MGAT4C: variants seen among roughly 807,000 people sequenced by gnomAD.
MGAT4C encodes alpha-1,3-mannosyl-glycoprotein 4-beta-N-acetylglucosaminyltransferase C.
In MGAT4C, 19 loss-of-function variants were observed where a neutral mutation model predicts 40.1. That is an observed-to-expected ratio of 0.47 (90% CI 0.33 to 0.70). MGAT4C has a LOEUF of 0.70. Ranked by LOEUF, MGAT4C falls within the 30% of genes least tolerant of loss-of-function variation. MGAT4C has a pLI of 0.02. For missense variants in MGAT4C, 491 were observed against 563.2 expected (o/e 0.87, Z 1.30); for synonymous variants, 181 against 187.1 (o/e 0.97, Z 0.27).
At chr12:86,286,877 T>C (rs1953365207) in intron 4 of MGAT4C, among the ~76,000 whole-genome samples, 1 of 152,148 alleles carries the variant, frequency 6.6e-6, no homozygotes, top group South Asian at 2.1e-4. Flanking sequence ...CTTAGGATGA[T>C]GGCCTCCAGC....
At chr12:86,648,028 A>T (rs889824876) in intron 2 of MGAT4C, among the ~76,000 whole-genome samples, 3 of 151,934 alleles carry the variant, frequency 2.0e-5, no homozygotes, top group African/African-American at 7.2e-5. Context: ...GGGTCTAGCA[A>T]TGTGATTGCC....
At chr12:86,792,304 T>A (rs1408989662) in intron 1 of MGAT4C, among the ~76,000 whole-genome samples, 1 of 152,142 alleles carries the variant, frequency 6.6e-6, no homozygotes, top group Non-Finnish European at 1.5e-5. Flanking sequence ...AATACTTGTT[T>A]AAAATGTTAA....
At chr12:86,813,093 C>A (rs1268359129) in intron 1 of MGAT4C, among the ~76,000 whole-genome samples, 1 of 152,002 alleles carries the variant, frequency 6.6e-6, no homozygotes, top group Non-Finnish European at 1.5e-5. Context: ...GGGTTCCAAA[C>A]CAGTTGTCAG....
At chr12:86,450,844 GT>G (rs1957415357) in intron 2 of MGAT4C, among the ~76,000 whole-genome samples, 1 of 151,790 alleles carries the variant, frequency 6.6e-6, no homozygotes, top group Non-Finnish European at 1.5e-5. Flanking sequence ...ACATATGTAT[GT>G]TTTTATCCAT....
At chr12:86,780,757 A>G (rs2136181960) in intron 1 of MGAT4C, among the ~76,000 whole-genome samples, 1 of 152,272 alleles carries the variant, frequency 6.6e-6, no homozygotes, top group East Asian at 1.9e-4. Flanking sequence ...AACATCACCC[A>G]AATAATGCAC....
At chr12:86,107,571 T>G (rs1876431019) in intron 1 of MGAT4C, among the ~76,000 whole-genome samples, 1 of 152,214 alleles carries the variant, frequency 6.6e-6, no homozygotes, top group African/African-American at 2.4e-5. Flanking sequence ...AAAAAGTTTT[T>G]TCTTAGGCTT....
At position 85,957,657 on chromosome 12, in the gene MGAT4C, C is replaced by CAAAAAA. The variant is rs5799763; in HGVS notation, c.*21626_*21631dup. 7.0e-4 allele frequency: 71 copies of CAAAAAA among 101,212 alleles called. No individual in the cohort carries two copies. The highest frequency in any genetic ancestry group is 9.4e-4 in the East Asian group (3 of 3,202). The allele number at this position is 101,212 out of a possible 1,614,324, so 6.3% of individuals were successfully genotyped here. ...TTTACTGTAGAGTTGAATAAGAAAG[C>CAAAAAA]AAAAAAAAAAAAAAAAGAAAAAAGA... On this transcript the variant is annotated 3_prime_UTR_variant, in exon 5 of 5. Transcript: ENST00000611864.
chr12:86,073,690 T>C (rs1367131108), intron 1 of MGAT4C, among the ~76,000 whole-genome samples: 1 of 152,168 alleles, frequency 6.6e-6, no homozygotes. Flanking sequence ...GTTCTTTGTT[T>C]TGGCCAATTT....
chr12:86,748,763 A>G (rs1274334529), intron 1 of MGAT4C, among the ~76,000 whole-genome samples: 2 of 151,650 alleles, frequency 1.3e-5, no homozygotes, highest in East Asian at 3.9e-4. Context: ...GATTTTTTTT[A>G]AACATTTACA....
In MGAT4C at chr12:85,982,477, C is replaced by T. The variant is rs1884713898; in HGVS notation, c.295+1046G>A. On this transcript the variant is annotated intron_variant, in intron 4 of 4. Coordinates refer to ENST00000611864, the MANE Select transcript of MGAT4C (RefSeq NM_001351288.2). ...GTGCTGGGATTACAGGCATGAGCCACCAAACCCAGCCTAAGATTTATATTT... is the reference window on the plus strand; with the variant it reads ...GTGCTGGGATTACAGGCATGAGCCATCAAACCCAGCCTAAGATTTATATTT... Among the ~76,000 whole-genome samples, 3 of 152,278 alleles carry T rather than the reference C, an allele frequency of 2.0e-5. No homozygotes were observed. The South Asian group carries it at 6.2e-4, about 32-fold the overall frequency.
At chr12:86,302,943 C>T (rs560453424) in intron 4 of MGAT4C, among the ~76,000 whole-genome samples, 2 of 150,700 alleles carry the variant, frequency 1.3e-5, no homozygotes, top group South Asian at 2.1e-4. Flanking sequence ...ACAAGTTTTA[C>T]CTTGAGGAAA....
chr12:86,546,077 A>T (rs1592972515), intron 2 of MGAT4C, among the ~76,000 whole-genome samples: 1 of 151,998 alleles, frequency 6.6e-6, no homozygotes, highest in South Asian at 2.1e-4. Flanking sequence ...ACGTTTTTGA[A>T]TTATGGTCAT....
intron 3 of MGAT4C, among the ~76,000 whole-genome samples, chr12:86,341,905 G>A (rs962624818): frequency 6.6e-6 from 1 of 152,190 alleles, no homozygotes; most frequent in Non-Finnish European, 1.5e-5. Flanking sequence ...CATCTTTGCT[G>A]TTTGGGTGAC....
intron 1 of MGAT4C, among the ~76,000 whole-genome samples, chr12:86,170,588 G>A (rs1886709329): frequency 1.3e-5 from 2 of 152,144 alleles, no homozygotes; most frequent in Admixed American, 1.3e-4. Context: ...TTTGACATGA[G>A]CAATGCAAAG....
At chr12:86,675,521 G>A in intron 2 of MGAT4C, among the ~76,000 whole-genome samples, 1 of 152,128 alleles carries the variant, frequency 6.6e-6, no homozygotes, top group Non-Finnish European at 1.5e-5. Context: ...TGTAAAGATT[G>A]TCTGTTTTTT....
chr12:86,178,999 T>C (rs1489208648), intron 1 of MGAT4C, among the ~76,000 whole-genome samples: 1 of 152,220 alleles, frequency 6.6e-6, no homozygotes, highest in Non-Finnish European at 1.5e-5. Context: ...ATTCACATTT[T>C]CAGATTACAC....
intron 1 of MGAT4C, among the ~76,000 whole-genome samples, chr12:86,079,641 T>C: frequency 6.6e-6 from 1 of 152,008 alleles, no homozygotes; most frequent in East Asian, 1.9e-4. Flanking sequence ...CCCTGGAAAA[T>C]TACCCTGAAA....
intron 2 of MGAT4C, among the ~76,000 whole-genome samples, chr12:86,039,107 C>A (rs981962477): frequency 1.5e-5 from 2 of 131,868 alleles, no homozygotes; most frequent in African/African-American, 5.0e-5. Flanking sequence ...TGATGGGCTT[C>A]CCTTTGTGGG....
chr12:86,743,467 T>A (rs1951105564), intron 1 of MGAT4C, among the ~76,000 whole-genome samples: 1 of 151,568 alleles, frequency 6.6e-6, no homozygotes, highest in African/African-American at 2.4e-5. Flanking sequence ...ACACTTGATG[T>A]AAATGTTTAG....
Sources: gnomAD v4.1 joint callset for allele counts (sites outside exome capture counted in the v4.1 genomes callset) on GRCh38, gnomAD v4.1.1 for gene constraint, MANE v1.5 for transcripts, NCBI Gene and HGNC (gene_info 2026-07-23, HGNC 2026-07-21) for gene names.